Variants in STARD8 observed in about 807,000 individuals in gnomAD.
STARD8 encodes StAR related lipid transfer domain containing 8.
STARD8 carries 25 observed loss-of-function variants against 69.4 expected under a neutral mutation model. That is an observed-to-expected ratio of 0.36 (90% CI 0.26 to 0.50). The LOEUF (loss-of-function observed/expected upper bound fraction) is 0.50, where lower values mean the gene tolerates loss of function less well. STARD8 is among the 20% of genes least tolerant of loss of function. The pLI, the probability that STARD8 is intolerant of heterozygous loss-of-function variation, is 0.96. For missense variants in STARD8, 921 were observed against 932.5 expected, an observed-to-expected ratio of 0.99 and a Z score of 0.16; for synonymous variants, 389 against 374.6, an observed-to-expected ratio of 1.04 and a Z score of -0.45.
In STARD8 at chrX:68,717,655, T is replaced by C; in HGVS notation, c.741T>C (p.Ser247=). Residue 247 remains serine (S), a synonymous_variant, in exon 6 of 15, where the codon AGT becomes AGC. Coordinates refer to ENST00000374599, the MANE Select transcript of STARD8 (RefSeq NM_001142503.3). ...TCTCCAAAGCCTCATCTTTCCGCAG[T>C]TGTCGTGGCTTCCTCTCAGCTGGAT... ...EKVSKASSFR[S]CRGFLSAGFY... 1 of 1,212,054 alleles carries C rather than the reference T, an allele frequency of 8.3e-7. No individual in the cohort carries two copies. The highest frequency in any genetic ancestry group is 1.7e-5 in the African/African-American group (1 of 57,894).
chrX:68,668,816 A>G (rs1025734278), intron 2 of STARD8, among the ~76,000 whole-genome samples: 4 of 112,193 alleles, frequency 3.6e-5, no homozygotes, highest in African/African-American at 1.3e-4. Context: ...TAAGTACTTA[A>G]TATTTTTCTT....
intron 11 of STARD8, 55 bp downstream of exon 11, chrX:68,722,216 C>T: frequency 9.4e-7 from 1 of 1,066,682 alleles, no homozygotes; most frequent in Admixed American, 2.5e-5. Context: ...AACCATCAGG[C>T]CTGACCTCGG....
chrX:68,684,667 T>C (rs2079820724), intron 2 of STARD8, among the ~76,000 whole-genome samples: 1 of 112,878 alleles, frequency 8.9e-6, no homozygotes, highest in Admixed American at 9.3e-5. Context: ...GGCATCCCAG[T>C]GGCTGTTTGT....
chrX:68,717,334 G>A lies in STARD8; in HGVS notation c.420G>A (p.Leu140=), dbSNP rs746044969. The A allele has an allele frequency of 5.8e-6, 7 of 1,207,413 alleles. No homozygotes were observed. Among genetic ancestry groups the A allele is most frequent in the Non-Finnish European group, 6.7e-6 (6 of 893,834 alleles). The change falls in exon 6 of 15, where the codon CTG becomes CTA. Residue 140 remains leucine (L), a synonymous_variant. Coordinates refer to ENST00000374599, the MANE Select transcript of STARD8 (RefSeq NM_001142503.3). ...TGTTGGCCCCACCGAGCCCTGGCCTGCCAGCGACCTCAAGCTGTGAGAGCG... is the reference window on the plus strand; with the variant it reads ...TGTTGGCCCCACCGAGCCCTGGCCTACCAGCGACCTCAAGCTGTGAGAGCG... ...SDLLAPPSPG[L]PATSSCESVL... is the part of the protein sequence containing the mutation.
intron 2 of STARD8, among the ~76,000 whole-genome samples, chrX:68,677,517 C>T (rs977322206): frequency 1.8e-5 from 2 of 111,346 alleles, no homozygotes; most frequent in African/African-American, 3.3e-5. Context: ...GTGGTGATGC[C>T]GGGGGTATGG....
intron 10 of STARD8, 105 bp from the exon 11 acceptor site, chrX:68,721,942 C>T (rs2080152936): frequency 1.7e-5 from 15 of 857,538 alleles, no homozygotes; most frequent in Non-Finnish European, 2.3e-5. Flanking sequence ...GTTTTGTGGC[C>T]AGGTTTGGCA....
chrX:68,712,926 A>G lies in STARD8; in HGVS notation c.92A>G (p.Lys31Arg). 1 of 1,206,599 alleles carries G rather than the reference A, an allele frequency of 8.3e-7. No individual in the cohort carries two copies. The highest frequency in any genetic ancestry group is 1.1e-6 in the Non-Finnish European group (1 of 892,831). Residue 31 changes from lysine to arginine, a missense_variant, in exon 3 of 15, where the codon AAA (lysine) becomes AGA (arginine). Coordinates refer to ENST00000374599, the MANE Select transcript of STARD8 (RefSeq NM_001142503.3). ...QVKKNAEAEA[K>R]RACEWLQATG... ...TGTTCTGTTTTAGAAGCCGAGGCCAAAAGAGCATGTGAGTGGCTTCAAGCA... is the reference window on the plus strand; with the variant it reads ...TGTTCTGTTTTAGAAGCCGAGGCCAGAAGAGCATGTGAGTGGCTTCAAGCA...
At chrX:68,663,340 T>G (rs1373066212) in intron 1 of STARD8, among the ~76,000 whole-genome samples, 1 of 111,992 alleles carries the variant, frequency 8.9e-6, no homozygotes, top group African/African-American at 3.2e-5. Context: ...GGAGCCCTAT[T>G]GATCTCAAGC....
At chrX:68,652,872 C>CCCACACACACCACACACA (rs1556018096) in intron 1 of STARD8, among the ~76,000 whole-genome samples, 2 of 27,242 alleles carry the variant, frequency 7.3e-5, no homozygotes, top group Non-Finnish European at 1.2e-4. Flanking sequence ...CACACACACA[C>CCCACACACACCACACACA]CCACACCCCA....
rs1449503650 is a variant in STARD8, at chrX:68,690,433, GGGC to G, written c.80-22478_80-22476del. Among the ~76,000 whole-genome samples the G allele has an allele frequency of 9.9e-3, 1,036 of 105,149 alleles. 19 individuals carry two copies. The highest frequency in any genetic ancestry group is 0.036 in the African/African-American group (970 of 26,885). 91.3% of individuals were successfully genotyped at this position (105,149 alleles called of 115,157 possible). A position where few individuals can be genotyped will look rare whatever the true frequency, so the allele number is the denominator to read the frequency against. On this transcript the variant is annotated intron_variant, in intron 2 of 14. Coordinates refer to ENST00000374599, the MANE Select transcript of STARD8 (RefSeq NM_001142503.3). The stretch of plus-strand genomic sequence containing the variant: ...AGCAACTCCCATTCCCAGGCAGGCA[GGGC>G]GGGGGGACTGTTGGGAGTCCTCAGG...
At chrX:68,702,352 G>A (rs966573552) in intron 2 of STARD8, among the ~76,000 whole-genome samples, 3 of 111,904 alleles carry the variant, frequency 2.7e-5, no homozygotes, top group African/African-American at 9.8e-5. Context: ...GTAGGCTTCT[G>A]GCCCAATCTG....
rs746301351 is a variant in STARD8, at chrX:68,716,398, G to A, written c.264G>A (p.Ser88=). 52 of 1,208,821 alleles carry A rather than the reference G, an allele frequency of 4.3e-5. No individual in the cohort carries two copies. Among genetic ancestry groups the A allele is most frequent in the Non-Finnish European group, 5.4e-5 (48 of 894,884 alleles). Residue 88 remains serine (S), a synonymous_variant, in exon 5 of 15, where the codon TCG becomes TCA. Transcript: ENST00000374599. ...TGATGACCTTGAATAATTGTGCCTC[G>A]ATGAAACTGGAGGTTCATTTTCAAA... ...RRLMTLNNCA[S]MKLEVHFQSK... is the part of the protein sequence containing the mutation.
intron 1 of STARD8, among the ~76,000 whole-genome samples, chrX:68,659,554 C>G (rs1050705300): frequency 2.7e-5 from 3 of 111,872 alleles, no homozygotes; most frequent in African/African-American, 9.8e-5. Flanking sequence ...CCTCCAGCCC[C>G]TTCCTACACT....
chrX:68,682,030 G>T (rs1409506111), intron 2 of STARD8, among the ~76,000 whole-genome samples: 1 of 102,495 alleles, frequency 9.8e-6, no homozygotes, highest in Non-Finnish European at 2.0e-5. Flanking sequence ...ACAGAGTCTC[G>T]CTCTGTCACC....
At chrX:68,698,728 G>T (rs2079942391) in intron 2 of STARD8, among the ~76,000 whole-genome samples, 1 of 110,824 alleles carries the variant, frequency 9.0e-6, no homozygotes, top group Admixed American at 9.5e-5. Flanking sequence ...TTGGGAAACG[G>T]CTTCTGGTTC....
chrX:68,721,837 T>A, intron 10 of STARD8, 91 bp downstream of exon 10: 1 of 946,680 alleles, frequency 1.1e-6, no homozygotes, highest in Middle Eastern at 3.8e-4. Flanking sequence ...GGCACTGCTG[T>A]GTCTCAGCCT....
In STARD8 at chrX:68,724,005, G is replaced by A. The variant is rs373631827; in HGVS notation, c.3078G>A (p.Pro1026=). 2.1e-5 allele frequency: 25 copies of A among 1,210,647 alleles called. No individual in the cohort carries two copies. The highest frequency in any genetic ancestry group is 4.4e-5 in the Admixed American group (2 of 45,934). The change falls in exon 14 of 15, where the codon CCG becomes CCA. Residue 1026 remains proline, a synonymous_variant. Transcript: ENST00000374599. ...GCLLVSQSLD[P]EQPVPESGVR... is the part of the protein sequence containing the mutation. ...TGCTTGTCTCCCAGTCCCTGGATCC[G>A]GAACAACCTGTGCCAGAGTCGGGTG... is the stretch of plus-strand genomic sequence containing the variant.
At chrX:68,684,624 C>T (rs1047555021) in intron 2 of STARD8, among the ~76,000 whole-genome samples, 1 of 112,680 alleles carries the variant, frequency 8.9e-6, no homozygotes, top group African/African-American at 3.2e-5. Flanking sequence ...CAGGAGTCAA[C>T]GGGGTGGCAG....
intron 2 of STARD8, among the ~76,000 whole-genome samples, chrX:68,674,143 A>T (rs1272003603): frequency 2.7e-5 from 3 of 109,897 alleles, no homozygotes; most frequent in Admixed American, 9.7e-5. Context: ...AAAATACAAA[A>T]ATTAGCTAAG....
Sources: allele counts gnomAD v4.1 joint callset (sites outside exome capture counted in the v4.1 genomes callset), GRCh38; gene constraint gnomAD v4.1.1; transcripts MANE v1.5; gene names NCBI Gene and HGNC (gene_info 2026-07-23, HGNC 2026-07-21).